Variants in SND1 observed in about 807,000 individuals in gnomAD.
SND1 encodes staphylococcal nuclease and tudor domain containing 1.
Under a neutral mutation model 121.7 loss-of-function variants are expected in SND1, and 38 were observed. The ratio of observed to expected loss-of-function variants is 0.31; its 90% CI spans 0.24 to 0.41. The LOEUF (loss-of-function observed/expected upper bound fraction) is 0.41. SND1 is among the 10% of genes least tolerant of loss of function. The pLI, the probability that SND1 is intolerant of heterozygous loss-of-function variation, is 1.00. For missense variants in SND1, 868 were observed against 1,184.6 expected (o/e 0.73, Z 3.92); for synonymous variants, 401 against 447.4 (o/e 0.90, Z 1.31).
intron 15 of SND1, among the ~76,000 whole-genome samples, chr7:127,988,665 G>A (rs1802452238): frequency 6.6e-6 from 1 of 152,220 alleles, no homozygotes; most frequent in Non-Finnish European, 1.5e-5. Context: ...TACCAAGAGA[G>A]TGACAAAGGA....
Position 128,029,067 on chromosome 7 carries a change from G to C in SND1, c.1779+38011G>C. ...AAAGCAGCCAATGATGATCTTGGTGGTCTTCATGACTTCATCCAGGCTGGT... is the reference window on the plus strand; with the variant it reads ...AAAGCAGCCAATGATGATCTTGGTGCTCTTCATGACTTCATCCAGGCTGGT... On this transcript the variant is annotated intron_variant, in intron 16 of 23. Coordinates refer to ENST00000354725, the MANE Select transcript of SND1 (RefSeq NM_014390.4). This position sits in a 1 kb window ranked among gnomAD's most constrained non-coding sequence, Gnocchi z 4.2. 6.2e-7 allele frequency: 1 copy of C among 1,614,152 alleles called. No individual in the cohort carries two copies. Among genetic ancestry groups the C allele is most frequent in the South Asian group, 1.1e-5 (1 of 91,086 alleles).
In SND1 at chr7:127,910,645, G is replaced by GT. The variant is rs575328153; in HGVS notation, c.1527+5832dup. Among the ~76,000 whole-genome samples the GT allele has an allele frequency of 1.7e-3, 266 of 152,180 alleles. 1 individual carries two copies. Among genetic ancestry groups the GT allele is most frequent in the African/African-American group, 6.1e-3 (254 of 41,540 alleles). ...ATTCTAATGTTCCTTTCAGCTTTCTGTTTTTTCTAGTCTCTGGTATTTGAT... is the reference window on the plus strand; with the variant it reads ...ATTCTAATGTTCCTTTCAGCTTTCTGTTTTTTTCTAGTCTCTGGTATTTGAT... On this transcript the variant is annotated intron_variant, in intron 14 of 23. Transcript: ENST00000354725.
intron 12 of SND1, among the ~76,000 whole-genome samples, chr7:127,855,504 TTTTTTTTG>T (rs1799258614): frequency 8.0e-6 from 1 of 124,488 alleles, no homozygotes. Flanking sequence ...TGGGCCTTAG[TTTTTTTTG>T]TTTTTTTGAT....
chr7:127,735,442 G>A (rs904807884), intron 10 of SND1, among the ~76,000 whole-genome samples: 8 of 152,154 alleles, frequency 5.3e-5, no homozygotes, highest in Admixed American at 4.6e-4. Flanking sequence ...GCTGGGCATG[G>A]TGGCTCATGC....
intron 15 of SND1, among the ~76,000 whole-genome samples, chr7:127,960,013 T>G (rs1036357651): frequency 1.3e-5 from 2 of 152,202 alleles, no homozygotes; most frequent in African/African-American, 4.8e-5. Context: ...CTGCTATCTA[T>G]TCTTGCCCAG....
intron 10 of SND1, among the ~76,000 whole-genome samples, chr7:127,796,601 C>T (rs1462226317): frequency 1.3e-5 from 2 of 152,166 alleles, no homozygotes; most frequent in African/African-American, 2.4e-5. Flanking sequence ...AGTGCTATAA[C>T]TTTGGCTTAT....
rs1229426586 is a variant in SND1, at chr7:128,009,793, C to T, written c.1779+18737C>T. ...AATAACTTTTTTTTTTTTTTTGACC[C>T]TTATCTCTCATGCTCTTGACACAAA... On this transcript the variant is annotated intron_variant, in intron 16 of 23. Transcript: ENST00000354725. 3.3e-5 allele frequency among the ~76,000 whole-genome samples: 5 copies of T among 150,254 alleles called. No individual in the cohort carries two copies. In the East Asian group the frequency reaches 7.7e-4, roughly 23 times the overall value.
At chr7:127,941,895 T>TG (rs1056587075) in intron 15 of SND1, among the ~76,000 whole-genome samples, 2 of 144,550 alleles carry the variant, frequency 1.4e-5, no homozygotes, top group African/African-American at 2.6e-5. Flanking sequence ...GGGAGTTTTT[T>TG]TTTTTTTTTT....
At chr7:128,056,005 C>T (rs563156992) in intron 16 of SND1, among the ~76,000 whole-genome samples, 1 of 152,312 alleles carries the variant, frequency 6.6e-6, no homozygotes, top group South Asian at 2.1e-4. Flanking sequence ...ATCAAATGAC[C>T]TTGGGCAAGT....
At chr7:127,775,576 A>G (rs1797604221) in intron 10 of SND1, among the ~76,000 whole-genome samples, 1 of 152,108 alleles carries the variant, frequency 6.6e-6, no homozygotes, top group African/African-American at 2.4e-5. Context: ...GTTTCGTTTC[A>G]TACTTTACAC....
At chr7:127,984,080 C>T (rs1003808846) in intron 15 of SND1, among the ~76,000 whole-genome samples, 5 of 152,184 alleles carry the variant, frequency 3.3e-5, no homozygotes, top group African/African-American at 1.2e-4. Context: ...AAAGGCAGGT[C>T]TCCACGCCCC....
At chr7:127,796,797 G>A (rs1466883020) in intron 10 of SND1, among the ~76,000 whole-genome samples, 2 of 151,322 alleles carry the variant, frequency 1.3e-5, no homozygotes, top group Non-Finnish European at 2.9e-5. Context: ...GTACTAATTA[G>A]CCCATTTCTG....
At chr7:127,897,247 G>A (rs545537453) in intron 13 of SND1, among the ~76,000 whole-genome samples, 11 of 152,244 alleles carry the variant, frequency 7.2e-5, no homozygotes, top group African/African-American at 1.7e-4. Context: ...TCTGGGCTAT[G>A]GCAATGAATT....
chr7:127,733,441 G>A (rs543669277), intron 10 of SND1, among the ~76,000 whole-genome samples: 1 of 152,280 alleles, frequency 6.6e-6, no homozygotes, highest in East Asian at 1.9e-4. Context: ...AAGCTGAGGA[G>A]TAGGGACTCT....
chr7:127,790,074 G>A (rs1490470496), intron 10 of SND1, among the ~76,000 whole-genome samples: 2 of 152,178 alleles, frequency 1.3e-5, no homozygotes, highest in African/African-American at 4.8e-5. Flanking sequence ...CTTGGGTTGT[G>A]TTCAAGTCTG....
intron 16 of SND1, among the ~76,000 whole-genome samples, chr7:128,046,187 C>T (rs753445911): frequency 1.3e-5 from 2 of 152,144 alleles, no homozygotes; most frequent in Non-Finnish European, 2.9e-5. Flanking sequence ...GCCTCAAACT[C>T]CTGAGCTAAA....
chr7:127,888,594 T>C (rs751174002), intron 13 of SND1, among the ~76,000 whole-genome samples: 1 of 152,126 alleles, frequency 6.6e-6, no homozygotes, highest in Non-Finnish European at 1.5e-5. Context: ...CTCAGCAGTA[T>C]TTCTGGCCAT....
At chr7:127,710,591 C>T (rs1796281125) in intron 9 of SND1, among the ~76,000 whole-genome samples, 1 of 152,106 alleles carries the variant, frequency 6.6e-6, no homozygotes, top group South Asian at 2.1e-4. Flanking sequence ...TAAGTTTGCA[C>T]ATTTTTATTT....
Position 127,807,581 on chromosome 7 carries a change from A to G in SND1, c.1242+8A>G, listed in dbSNP as rs562599039. The G allele has an allele frequency of 1.2e-4, 187 of 1,606,762 alleles. 1 individual carries two copies. In the South Asian group the frequency reaches 1.8e-3, roughly 15 times the overall value. ...AAGCTTATTGGGAAGAAGGTAAGTA[A>G]TTGATGACAGAAGCATATTTGCAAG... On this transcript the variant is annotated splice_region_variant and intron_variant, in intron 11 of 23. Transcript: ENST00000354725.
Sources: allele counts gnomAD v4.1 joint callset (sites outside exome capture counted in the v4.1 genomes callset), GRCh38; gene constraint gnomAD v4.1.1; non-coding constraint Gnocchi (gnomAD v3.1); transcripts MANE v1.5; gene names NCBI Gene and HGNC (gene_info 2026-07-23, HGNC 2026-07-21).